The following MB21D2 variants were observed in gnomAD, a reference collection of about 807,000 sequenced individuals.
The protein encoded by MB21D2 is nucleotidyltransferase MB21D2.
In MB21D2, 9 loss-of-function variants were observed where a neutral mutation model predicts 33.3. The observed-to-expected ratio is 0.27, with a 90% confidence interval of 0.16 to 0.47. The LOEUF is 0.47. Ranked by LOEUF, MB21D2 falls within the 20% of genes least tolerant of loss-of-function variation. MB21D2 has a pLI of 0.99. For missense variants in MB21D2, 540 were observed against 624.6 expected (o/e 0.86, Z 1.44); for synonymous variants, 241 against 236.3 (o/e 1.02, Z -0.18).
chr3:192,864,367 T>C (rs1713121599), intron 1 of MB21D2, among the ~76,000 whole-genome samples: 1 of 152,216 alleles, frequency 6.6e-6, no homozygotes, highest in Admixed American at 6.5e-5. Flanking sequence ...GTCCTCTTTT[T>C]AATGTTATCA....
At chr3:192,909,211 G>A (rs1403769165) in intron 1 of MB21D2, among the ~76,000 whole-genome samples, 14 of 150,582 alleles carry the variant, frequency 9.3e-5, no homozygotes, top group African/African-American at 2.9e-4. Flanking sequence ...AGCCGAGATC[G>A]CACCACTGCA....
Position 192,905,315 on chromosome 3 carries a change from G to A in MB21D2, c.211+12315C>T, listed in dbSNP as rs958199618. On this transcript the variant is annotated intron_variant, in intron 1 of 1. Coordinates refer to ENST00000392452, the MANE Select transcript of MB21D2 (RefSeq NM_178496.4). Reference sequence around the variant, plus strand: ...TTATTGCCAGCTTGGGCAACATGGCGAGATCCTGTCTCTGCAAAATATTCA... The same window carrying A: ...TTATTGCCAGCTTGGGCAACATGGCAAGATCCTGTCTCTGCAAAATATTCA... Among the ~76,000 whole-genome samples the A allele has an allele frequency of 3.9e-5, 6 of 152,202 alleles. No individual in the cohort carries two copies. The South Asian group carries it at 1.0e-3, about 26-fold the overall frequency.
chr3:192,856,198 A>C (rs1712913084), intron 1 of MB21D2, among the ~76,000 whole-genome samples: 2 of 152,164 alleles, frequency 1.3e-5, no homozygotes, highest in Admixed American at 6.5e-5. Context: ...CAGAGGGGAC[A>C]CTCTGGTCTT....
Position 192,798,855 on chromosome 3 carries a change from A to G in MB21D2, c.1007T>C (p.Met336Thr). ...AGGAAGTCTGTCGCAGGCCCAGAGC[A>G]TCATGCTCCGCAGGTGATAGGGGCT... is the stretch of plus-strand genomic sequence containing the variant. Reference protein sequence around the residue: ...AISPYHLRSMMLWACDRLPAN... With the variant: ...AISPYHLRSMTLWACDRLPAN... The change falls in exon 2 of 2, where the codon ATG (methionine) becomes ACG (threonine). Residue 336 changes from methionine to threonine, a missense_variant. Transcript: ENST00000392452. This position sits in a 1 kb window ranked among gnomAD's most constrained non-coding sequence, Gnocchi z 4.8. 6.2e-7 allele frequency: 1 copy of G among 1,612,866 alleles called. No homozygotes were observed. The highest frequency in any genetic ancestry group is 8.5e-7 in the Non-Finnish European group (1 of 1,179,692).
intron 1 of MB21D2, among the ~76,000 whole-genome samples, chr3:192,800,952 T>G (rs1577165426): frequency 6.6e-6 from 1 of 152,338 alleles, no homozygotes; most frequent in East Asian, 1.9e-4. Context: ...ACCATGAGCG[T>G]GACATCTTCT....
intron 1 of MB21D2, among the ~76,000 whole-genome samples, chr3:192,883,169 G>A (rs1260806729): frequency 6.6e-6 from 1 of 152,052 alleles, no homozygotes; most frequent in African/African-American, 2.4e-5. Context: ...TGCCCAGCCT[G>A]ACCAGTTTCA....
chr3:192,917,442 G>A (rs778878641), intron 1 of MB21D2, among the ~76,000 whole-genome samples, 188 bp downstream of exon 1: 1 of 152,166 alleles, frequency 6.6e-6, no homozygotes, highest in African/African-American at 2.4e-5. Context: ...AGTAAGGAGG[G>A]GAGGGCAGGC....
Position 192,835,373 on chromosome 3 carries a change from G to A in MB21D2, c.212-35723C>T, listed in dbSNP as rs183873510. 7.8e-4 allele frequency among the ~76,000 whole-genome samples: 112 copies of A among 144,310 alleles called. 2 individuals carry two copies. The East Asian group carries it at 0.015, about 19-fold the overall frequency. The allele number at this position is 144,310 out of a possible 152,430, so 94.7% of individuals were successfully genotyped here. A position where few individuals can be genotyped will look rare whatever the true frequency, so the allele number is the denominator to read the frequency against. ...CGGGAGGTTGAGGCAAGAGAATGGC[G>A]TGAACCTGGGAGGTGGAGCTTGCAG... On this transcript the variant is annotated intron_variant, in intron 1 of 1. Coordinates refer to ENST00000392452, the MANE Select transcript of MB21D2 (RefSeq NM_178496.4).
At chr3:192,897,868 G>T (rs1234825591) in intron 1 of MB21D2, among the ~76,000 whole-genome samples, 8 of 152,074 alleles carry the variant, frequency 5.3e-5, no homozygotes, top group Non-Finnish European at 7.3e-5. Flanking sequence ...TGTAGTCCCA[G>T]CTACTGGGGA....
intron 1 of MB21D2, among the ~76,000 whole-genome samples, chr3:192,846,609 C>CA (rs1291704452): frequency 1.3e-5 from 2 of 152,102 alleles, no homozygotes; most frequent in African/African-American, 4.8e-5. Context: ...TTTGGGATCT[C>CA]AGAAAAATCT....
At chr3:192,910,941 G>T (rs1164945237) in intron 1 of MB21D2, among the ~76,000 whole-genome samples, 1 of 152,176 alleles carries the variant, frequency 6.6e-6, no homozygotes, top group Non-Finnish European at 1.5e-5. Flanking sequence ...AAAACTTTCA[G>T]ATTCAGAATT....
At chr3:192,860,823 C>A (rs530230568) in intron 1 of MB21D2, among the ~76,000 whole-genome samples, 2 of 152,232 alleles carry the variant, frequency 1.3e-5, no homozygotes, top group African/African-American at 2.4e-5. Flanking sequence ...ACAGAGGAAC[C>A]CAATCAGTAT....
intron 1 of MB21D2, among the ~76,000 whole-genome samples, chr3:192,914,530 T>C (rs1403871480): frequency 1.3e-5 from 2 of 152,166 alleles, no homozygotes; most frequent in Non-Finnish European, 2.9e-5. Flanking sequence ...TATTAAAACA[T>C]TAATGAACTC....
chr3:192,813,828 G>A (rs1711847009), intron 1 of MB21D2, among the ~76,000 whole-genome samples: 1 of 152,176 alleles, frequency 6.6e-6, no homozygotes, highest in African/African-American at 2.4e-5. Context: ...GGCTCAAAAT[G>A]TAAGGTGTGC....
At chr3:192,802,833 T>C (rs1577166021) in intron 1 of MB21D2, among the ~76,000 whole-genome samples, 1 of 152,212 alleles carries the variant, frequency 6.6e-6, no homozygotes, top group Non-Finnish European at 1.5e-5. Flanking sequence ...ATACCATAAA[T>C]ATACGTGAGA....
At chr3:192,830,730 A>G (rs1712297721) in intron 1 of MB21D2, among the ~76,000 whole-genome samples, 1 of 152,232 alleles carries the variant, frequency 6.6e-6, no homozygotes, top group Admixed American at 6.5e-5. Context: ...CGTGTTGTTC[A>G]TGGCCCAGGA....
At chr3:192,896,238 A>G (rs945806596) in intron 1 of MB21D2, among the ~76,000 whole-genome samples, 9 of 152,218 alleles carry the variant, frequency 5.9e-5, no homozygotes, top group African/African-American at 1.9e-4. Flanking sequence ...TTCAGAAAGG[A>G]TAGTTTGCCC....
chr3:192,893,140 C>T (rs973873879), intron 1 of MB21D2, among the ~76,000 whole-genome samples: 3 of 152,148 alleles, frequency 2.0e-5, no homozygotes, highest in African/African-American at 7.2e-5. Flanking sequence ...GGCCAAGTTA[C>T]CAACCTCCCA....
chr3:192,860,730 T>A (rs923956642), intron 1 of MB21D2, among the ~76,000 whole-genome samples: 3 of 152,182 alleles, frequency 2.0e-5, no homozygotes, highest in African/African-American at 7.2e-5. Context: ...CTGGGGCAAC[T>A]TCCCCTCCTT....
Sources: gnomAD v4.1 joint callset for allele counts (sites outside exome capture counted in the v4.1 genomes callset) on GRCh38, gnomAD v4.1.1 for gene constraint, Gnocchi (gnomAD v3.1) non-coding constraint, MANE v1.5 for transcripts, NCBI Gene and HGNC (gene_info 2026-07-23, HGNC 2026-07-21) for gene names.